Variants in NAALADL2 observed in about 807,000 individuals in gnomAD.
NAALADL2 encodes inactive N-acetylated-alpha-linked acidic dipeptidase-like protein 2.
Under a neutral mutation model 87.2 loss-of-function variants are expected in NAALADL2, and 76 were observed. The observed-to-expected ratio is 0.87, with a 90% confidence interval of 0.72 to 1.05. The LOEUF (loss-of-function observed/expected upper bound fraction) is 1.05, where lower values mean the gene tolerates loss of function less well. Ranked by LOEUF, NAALADL2 falls within the 50% of genes least tolerant of loss-of-function variation. The probability of loss-of-function intolerance (pLI) is 0.00; values close to 1 mark genes in which losing one functional copy is unlikely to be tolerated. For missense variants in NAALADL2, 1,089 were observed against 945.8 expected, an observed-to-expected ratio of 1.15 and a Z score of -1.99; for synonymous variants, 354 against 331.0, an observed-to-expected ratio of 1.07 and a Z score of -0.75.
intron 1 of NAALADL2, among the ~76,000 whole-genome samples, chr3:175,042,044 C>T (rs1001120393): frequency 6.6e-6 from 1 of 152,116 alleles, no homozygotes; most frequent in African/African-American, 2.4e-5. Context: ...CTTACAACTG[C>T]AAGTTTGTTC....
intron 3 of NAALADL2, chr3:175,234,755 G>A (rs1277458733): frequency 6.6e-6 from 1 of 152,100 alleles, no homozygotes; most frequent in Non-Finnish European, 1.5e-5. Context: ...GTGGTTAAGT[G>A]CAAGGCTTCT....
intron 1 of NAALADL2, among the ~76,000 whole-genome samples, chr3:174,496,667 C>T (rs560504893): frequency 1.3e-5 from 2 of 152,012 alleles, no homozygotes; most frequent in Admixed American, 1.3e-4. Context: ...CATCTTACTG[C>T]TACCCTTGAC....
rs139926759 is a variant in NAALADL2 at position 175,622,561 on chromosome 3, T to C, written c.1801-4730T>C. On this transcript the variant is annotated intron_variant, in intron 10 of 13. Coordinates refer to ENST00000454872, the MANE Select transcript of NAALADL2 (RefSeq NM_207015.3). ...CAGGGTTATGGAGAGTAAGTAGCAG[T>C]AGATTGACGACGAAGATGTGAATTC... Among the ~76,000 whole-genome samples the C allele has an allele frequency of 1.2e-4, 19 of 152,202 alleles. No individual in the cohort carries two copies. The East Asian group carries it at 3.7e-3, about 29-fold the overall frequency.
intron 1 of NAALADL2, among the ~76,000 whole-genome samples, chr3:174,911,332 G>A (rs1018064271): frequency 5.3e-5 from 8 of 152,104 alleles, no homozygotes; most frequent in Admixed American, 2.0e-4. Context: ...AGAATTAAAT[G>A]TGGAAGAAAA....
At chr3:175,471,521 T>A in intron 8 of NAALADL2, 118 bp from the exon 9 acceptor site, 2 of 627,162 alleles carry the variant, frequency 3.2e-6, no homozygotes, top group East Asian at 3.2e-5. Flanking sequence ...AAGAAGGTAA[T>A]TATGCAATAT....
intron 2 of NAALADL2, among the ~76,000 whole-genome samples, chr3:175,232,118 A>AAGAAGG (rs1345641182): frequency 2.0e-5 from 3 of 151,904 alleles, no homozygotes; most frequent in African/African-American, 7.2e-5. Flanking sequence ...GAGAAGGAGA[A>AAGAAGG]AGAAGGAGAA....
intron 5 of NAALADL2, among the ~76,000 whole-genome samples, chr3:175,397,865 T>G (rs1770015294): frequency 6.6e-6 from 1 of 152,014 alleles, no homozygotes; most frequent in African/African-American, 2.4e-5. Flanking sequence ...TTAGGGGCCT[T>G]TTTGCTTTAT....
intron 1 of NAALADL2, among the ~76,000 whole-genome samples, chr3:174,883,322 C>T (rs1182310236): frequency 6.6e-6 from 1 of 152,104 alleles, no homozygotes; most frequent in African/African-American, 2.4e-5. Flanking sequence ...TTAACCATCA[C>T]AAGTCCACCG....
rs896171647 is a variant in NAALADL2 at position 175,365,226 on chromosome 3, T to C, written c.1090+40901T>C. On this transcript the variant is annotated intron_variant, in intron 5 of 13. Transcript: ENST00000454872. The stretch of plus-strand genomic sequence containing the variant: ...TCTCTAAATTTTAGTCTAGAGCATA[T>C]GGAGAAAGATGAGTGTGTGGGCTAC... Among the ~76,000 whole-genome samples, 40 of 147,480 alleles carry C rather than the reference T, an allele frequency of 2.7e-4. 3 individuals are homozygous for C. The highest frequency in any genetic ancestry group is 9.6e-4 in the African/African-American group (39 of 40,628).
chr3:174,985,269 A>T (rs918348123), intron 1 of NAALADL2, among the ~76,000 whole-genome samples: 1 of 152,186 alleles, frequency 6.6e-6, no homozygotes, highest in Non-Finnish European at 1.5e-5. Context: ...AAGTGTAGAG[A>T]TATTTGGCGG....
chr3:174,617,195 G>A (rs1208390479), intron 2 of NAALADL2, among the ~76,000 whole-genome samples: 1 of 151,732 alleles, frequency 6.6e-6, no homozygotes, highest in African/African-American at 2.4e-5. Context: ...AAATTTGATT[G>A]ACAAAATGCA....
intron 3 of NAALADL2, among the ~76,000 whole-genome samples, chr3:174,823,138 G>T (rs76446339): frequency 3.3e-5 from 5 of 152,072 alleles, no homozygotes; most frequent in African/African-American, 1.2e-4. Flanking sequence ...CATCAAAGTA[G>T]GTATGATTTA....
intron 13 of NAALADL2, among the ~76,000 whole-genome samples, chr3:175,778,152 T>G (rs2150202195): frequency 6.6e-6 from 1 of 152,236 alleles, no homozygotes; most frequent in African/African-American, 2.4e-5. Flanking sequence ...TAAAGTTATT[T>G]GGTGGGGTTG....
intron 2 of NAALADL2, among the ~76,000 whole-genome samples, chr3:174,603,287 CTTG>C (rs1486340808): frequency 6.6e-6 from 1 of 151,876 alleles, no homozygotes; most frequent in African/African-American, 2.4e-5. Context: ...GATCTTATTA[CTTG>C]TTGTTGGACT....
rs148638896 is a variant in NAALADL2, at chr3:175,339,899, C to A, written c.1090+15574C>A. Among the ~76,000 whole-genome samples, 63 of 152,252 alleles carry A rather than the reference C, an allele frequency of 4.1e-4. 2 individuals are homozygous for A. In the East Asian group the frequency reaches 7.7e-3, roughly 19 times the overall value. On this transcript the variant is annotated intron_variant, in intron 5 of 13. Coordinates refer to ENST00000454872, the MANE Select transcript of NAALADL2 (RefSeq NM_207015.3). ...AAGGAAATGTGTTAAAATCTGCACA[C>A]TGAGATGATATTTCAGGAAAGAGTT...
At chr3:175,355,255 C>G (rs1764239481) in intron 5 of NAALADL2, among the ~76,000 whole-genome samples, 1 of 151,638 alleles carries the variant, frequency 6.6e-6, no homozygotes, top group Non-Finnish European at 1.5e-5. Context: ...TTAGTAGAGT[C>G]AGGGTTTCAC....
At chr3:175,418,682 T>C (rs1024279874) in intron 5 of NAALADL2, among the ~76,000 whole-genome samples, 1 of 152,032 alleles carries the variant, frequency 6.6e-6, no homozygotes. Flanking sequence ...TTGGTATTGG[T>C]CGATGAAATA....
At chr3:174,906,780 C>A (rs1733029120) in intron 1 of NAALADL2, among the ~76,000 whole-genome samples, 1 of 152,080 alleles carries the variant, frequency 6.6e-6, no homozygotes, top group South Asian at 2.1e-4. Flanking sequence ...TGTGAAATAA[C>A]TTGTTTGATG....
chr3:174,913,258 G>T (rs886391829), intron 1 of NAALADL2, among the ~76,000 whole-genome samples: 1 of 152,094 alleles, frequency 6.6e-6, no homozygotes, highest in African/African-American at 2.4e-5. Context: ...CTTCTTTAAT[G>T]AAAACATGTC....
Sources: allele counts gnomAD v4.1 joint callset (sites outside exome capture counted in the v4.1 genomes callset), GRCh38; gene constraint gnomAD v4.1.1; transcripts MANE v1.5; gene names NCBI Gene and HGNC (gene_info 2026-07-23, HGNC 2026-07-21).